WNT8A: variants seen among roughly 807,000 people sequenced by gnomAD.
WNT8A encodes the protein Wnt family member 8A.
In WNT8A, 14 loss-of-function variants were observed where a neutral mutation model predicts 20.5. The observed-to-expected ratio is 0.68, with a 90% CI of 0.45 to 1.07. The LOEUF (loss-of-function observed/expected upper bound fraction) is 1.07, where lower values mean the gene tolerates loss of function less well. Ranked by LOEUF, WNT8A falls within the 50% of genes least tolerant of loss-of-function variation. The probability of loss-of-function intolerance (pLI) is 0.00; values close to 1 mark genes in which losing one functional copy is unlikely to be tolerated. For synonymous variants in WNT8A, 167 were observed against 169.2 expected, an observed-to-expected ratio of 0.99 and a Z score of 0.10; for missense variants, 397 against 462.9, an observed-to-expected ratio of 0.86 and a Z score of 1.31.
At chr5:138,090,428 C>T in intron 4 of WNT8A, 100 bp from the exon 5 acceptor site, 1 of 1,122,950 alleles carries the variant, frequency 8.9e-7, no homozygotes, top group Non-Finnish European at 1.3e-6. Context: ...TCTGATGCTC[C>T]TTTAAAGTCA....
chr5:138,081,700 G>A (rs1750516213), upstream of WNT8A, among the ~76,000 whole-genome samples: 1 of 151,966 alleles, frequency 6.6e-6, no homozygotes, highest in South Asian at 2.1e-4. Context: ...AGCTTGCGGG[G>A]GGCTGGGAGG....
At chr5:138,080,102 C>G (rs1333666839), upstream of WNT8A, among the ~76,000 whole-genome samples, 1 of 152,002 alleles carries the variant, frequency 6.6e-6, no homozygotes, top group African/African-American at 2.4e-5. Context: ...GTGAGCAAAT[C>G]CCTTGAAGCC....
At position 138,087,392 on chromosome 5, in the gene WNT8A, C is replaced by T. The variant is rs567155383; in HGVS notation, c.296-414C>T. ...AAAAATGACCAGCCACAGTGGTTCA[C>T]GCCTGTAATCCCAGCACTTTGGGAG... On this transcript the variant is annotated intron_variant, in intron 2 of 4. Transcript: ENST00000506684. Among the ~76,000 whole-genome samples, 11 of 151,144 alleles carry T rather than the reference C, an allele frequency of 7.3e-5. No homozygotes were observed. In the South Asian group the frequency reaches 1.5e-3, roughly 20 times the overall value.
chr5:138,088,100 C>G (rs968214058), intron 3 of WNT8A, among the ~76,000 whole-genome samples, 169 bp downstream of exon 3: 35 of 152,162 alleles, frequency 2.3e-4, no homozygotes, highest in Admixed American at 8.5e-4. Flanking sequence ...AGAGTTGAGC[C>G]TGGGTCCATG....
In WNT8A at chr5:138,090,855, C is replaced by T; in HGVS notation, c.892C>T (p.His298Tyr). The T allele has an allele frequency of 6.2e-7, 1 of 1,614,154 alleles. No homozygotes were observed. Residue 298 changes from histidine to tyrosine, a missense_variant, in exon 5 of 5, where the codon CAC (histidine) becomes TAC (tyrosine). Transcript: ENST00000506684. ...TEGRECLQNSHNTSRWERRSC... is the reference protein window; with the variant it reads ...TEGRECLQNSYNTSRWERRSC... ...GGGTCGTGAGTGCCTACAGAACAGC[C>T]ACAACACATCCAGGTGGGAGCGACG...
At position 138,090,650 on chromosome 5, in the gene WNT8A, G is replaced by A; in HGVS notation, c.687G>A (p.Lys229=). 1 of 1,614,236 alleles carries A rather than the reference G, an allele frequency of 6.2e-7. No homozygotes were observed. The highest frequency in any genetic ancestry group is 8.5e-7 in the Non-Finnish European group (1 of 1,180,046). Residue 229 remains lysine, a synonymous_variant, in exon 5 of 5, where the codon AAG becomes AAA. Coordinates refer to ENST00000506684, the MANE Select transcript of WNT8A (RefSeq NM_001300939.2). Reference sequence around the variant, plus strand: ...AGATGGGAGACTACCTAAAGGCCAAGTATGACCAGGCGCTGAAAATTGAAA... The same window carrying A: ...AGATGGGAGACTACCTAAAGGCCAAATATGACCAGGCGCTGAAAATTGAAA... ...FREMGDYLKA[K]YDQALKIEMD...
chr5:138,079,324 TTAATTATATAA>T (rs1295801012), upstream of WNT8A, among the ~76,000 whole-genome samples: 86 of 68,352 alleles, frequency 1.3e-3, 2 homozygotes, highest in African/African-American at 2.4e-3. Context: ...TAATTATATA[TTAATTATATAA>T]TAATTATATA....
chr5:138,079,710 C>A (rs982755936), upstream of WNT8A, among the ~76,000 whole-genome samples: 1 of 152,146 alleles, frequency 6.6e-6, no homozygotes, highest in Non-Finnish European at 1.5e-5. Context: ...ATCTTCTGTT[C>A]TAGTCTTCAG....
chr5:138,084,766 C>A, intron 2 of WNT8A, 130 bp downstream of exon 2: 1 of 1,254,174 alleles, frequency 8.0e-7, no homozygotes, highest in Non-Finnish European at 1.1e-6. Context: ...GCTGACCTGC[C>A]ATTTCCTTGC....
rs1053509147 is a variant in WNT8A, at chr5:138,090,905, G to C, written c.942G>C (p.Glu314Asp). The C allele has an allele frequency of 1.2e-6, 2 of 1,614,218 alleles. No individual in the cohort carries two copies. Among genetic ancestry groups the C allele is most frequent in the Non-Finnish European group, 1.7e-6 (2 of 1,180,038 alleles). ...ERRSCGRLCT[E>D]CGLQVEERKT... ...GTAGCTGTGGGCGCCTGTGCACTGA[G>C]TGTGGGCTGCAGGTGGAAGAGAGGA... The change falls in exon 5 of 5, where the codon GAG becomes GAC. Residue 314 changes from glutamate (E) to aspartate (D), a missense_variant. Coordinates refer to ENST00000506684, the MANE Select transcript of WNT8A (RefSeq NM_001300939.2).
At position 138,091,322 on chromosome 5, in the gene WNT8A, C is replaced by A. The variant is rs1215249744; in HGVS notation, c.*249C>A. On this transcript the variant is annotated 3_prime_UTR_variant, in exon 5 of 5. Coordinates refer to ENST00000506684, the MANE Select transcript of WNT8A (RefSeq NM_001300939.2). The stretch of plus-strand genomic sequence containing the variant: ...TTTCATCTTTCCTGCAAACTACTTT[C>A]CCATCTTTGTGCCTGTACTTATGCA... 6.7e-7 allele frequency: 1 copy of A among 1,498,526 alleles called. No individual in the cohort carries two copies. Among genetic ancestry groups the A allele is most frequent in the South Asian group, 1.1e-5 (1 of 89,210 alleles). The allele number at this position is 1,498,526 out of a possible 1,614,324, so 92.8% of individuals were successfully genotyped here. A position where few individuals can be genotyped will look rare whatever the true frequency, so the allele number is the denominator to read the frequency against.
chr5:138,091,311 C>A lies in WNT8A; in HGVS notation c.*238C>A. ...GCAGACCCCCATTTCATCTTTCCTGCAAACTACTTTCCCATCTTTGTGCCT... is the reference window on the plus strand; with the variant it reads ...GCAGACCCCCATTTCATCTTTCCTGAAAACTACTTTCCCATCTTTGTGCCT... On this transcript the variant is annotated 3_prime_UTR_variant, in exon 5 of 5. Coordinates refer to ENST00000506684, the MANE Select transcript of WNT8A (RefSeq NM_001300939.2). 6.6e-7 allele frequency: 1 copy of A among 1,524,582 alleles called. No individual in the cohort carries two copies. Among genetic ancestry groups the A allele is most frequent in the Non-Finnish European group, 8.8e-7 (1 of 1,134,142 alleles). The allele number at this position is 1,524,582 out of a possible 1,614,324, so 94.4% of individuals were successfully genotyped here. A position where few individuals can be genotyped will look rare whatever the true frequency, so the allele number is the denominator to read the frequency against.
chr5:138,087,784 A>C (rs1403759195), intron 2 of WNT8A, 22 bp from the exon 3 acceptor site: 2 of 1,611,504 alleles, frequency 1.2e-6, no homozygotes, highest in Non-Finnish European at 1.7e-6. Flanking sequence ...GTTTCCAGTC[A>C]GTTCCCTCTC....
At chr5:138,086,418 A>G (rs1581358335) in intron 2 of WNT8A, among the ~76,000 whole-genome samples, 1 of 151,782 alleles carries the variant, frequency 6.6e-6, no homozygotes, top group East Asian at 2.0e-4. Context: ...GGGTTTCGTC[A>G]TGTTGCCCAG....
intron 3 of WNT8A, 37 bp downstream of exon 3, chr5:138,087,968 A>AG (rs1337073065): frequency 5.6e-6 from 9 of 1,610,296 alleles, no homozygotes; most frequent in Non-Finnish European, 6.8e-6. Flanking sequence ...GGAAGAGGTG[A>AG]GGGGCTACAG....
the WNT8A span, among the ~76,000 whole-genome samples, chr5:138,078,000 A>T: frequency 6.6e-6 from 1 of 152,124 alleles, no homozygotes; most frequent in Non-Finnish European, 1.5e-5. Context: ...ATTTTCACAC[A>T]GGAGGACCTC....
chr5:138,077,999 CAGG>C, the WNT8A span, among the ~76,000 whole-genome samples: 4 of 152,144 alleles, frequency 2.6e-5, no homozygotes, highest in Non-Finnish European at 5.9e-5. Context: ...CATTTTCACA[CAGG>C]AGGACCTCAT....
upstream of WNT8A, among the ~76,000 whole-genome samples, chr5:138,081,286 C>T (rs1750506333): frequency 6.6e-6 from 1 of 151,272 alleles, no homozygotes; most frequent in African/African-American, 2.4e-5. Context: ...GGAGCGAGCA[C>T]AGTTTGCATA....
chr5:138,088,071 C>T, intron 3 of WNT8A, 140 bp downstream of exon 3: 1 of 1,294,446 alleles, frequency 7.7e-7, no homozygotes, highest in Non-Finnish European at 1.0e-6. Context: ...ATTGTAGGAT[C>T]TCCTAGCCTT....
Sources: gnomAD v4.1 joint callset for allele counts (sites outside exome capture counted in the v4.1 genomes callset) on GRCh38, gnomAD v4.1.1 for gene constraint, MANE v1.5 for transcripts, NCBI Gene and HGNC (gene_info 2026-07-23, HGNC 2026-07-21) for gene names.